The following PALS2 variants were observed in gnomAD, a reference collection of about 807,000 sequenced individuals.
The protein encoded by PALS2 is protein associated with LIN7 2, MAGUK p55 family member, also known as protein PALS2.
A neutral mutation model predicts 61.6 loss-of-function variants in PALS2; 27 were observed. That is an observed-to-expected ratio of 0.44 (90% confidence interval 0.32 to 0.60). The LOEUF is 0.60. Ranked by LOEUF, PALS2 falls within the 20% of genes least tolerant of loss-of-function variation. The probability of loss-of-function intolerance (pLI) is 0.05; values close to 1 mark genes in which losing one functional copy is unlikely to be tolerated. For missense variants in PALS2, 554 were observed against 639.4 expected (o/e 0.87, Z 1.44); for synonymous variants, 236 against 218.6 (o/e 1.08, Z -0.70).
At position 24,641,797 on chromosome 7, in the gene PALS2, A is replaced by T; in HGVS notation, c.199A>T (p.Ile67Phe). 1 of 1,613,068 alleles carries T rather than the reference A, an allele frequency of 6.2e-7. No individual in the cohort carries two copies. Among genetic ancestry groups the T allele is most frequent in the Non-Finnish European group, 8.5e-7 (1 of 1,179,404 alleles). The change falls in exon 3 of 12, where the codon ATC becomes TTC. Residue 67 changes from isoleucine (I) to phenylalanine (F), a missense_variant. Transcript: ENST00000222644. The part of the protein sequence containing the change: ...LELVNEILED[I>F]TPLINVDENV... ...ATTAGTCAATGAAATTCTTGAAGAC[A>T]TCACTCCTCTAATAAATGTGGATGA... is the stretch of plus-strand genomic sequence containing the variant.
At chr7:24,620,488 T>C (rs1784454167) in intron 1 of PALS2, among the ~76,000 whole-genome samples, 1 of 152,156 alleles carries the variant, frequency 6.6e-6, no homozygotes, top group Admixed American at 6.5e-5. Context: ...AAATTCCATA[T>C]GATTAAGAGT....
At chr7:24,620,006 C>T (rs1213674570) in intron 1 of PALS2, 3 of 151,806 alleles carry the variant, frequency 2.0e-5, no homozygotes, top group Non-Finnish European at 2.9e-5. Flanking sequence ...TTGTGTTTAT[C>T]GATATCTGAA....
At chr7:24,673,164 T>G (rs1312464851) in intron 9 of PALS2, among the ~76,000 whole-genome samples, 2 of 152,214 alleles carry the variant, frequency 1.3e-5, no homozygotes, top group Non-Finnish European at 2.9e-5. Flanking sequence ...CATATGATTT[T>G]TGTTTTTTAT....
intron 9 of PALS2, among the ~76,000 whole-genome samples, chr7:24,678,874 C>G (rs1787765316): frequency 1.3e-5 from 2 of 152,126 alleles, no homozygotes; most frequent in South Asian, 4.1e-4. Flanking sequence ...AAGTTTTAGG[C>G]TTCGCAGTCC....
At chr7:24,686,494 A>T (rs1238109310) in intron 11 of PALS2, among the ~76,000 whole-genome samples, 5 of 151,604 alleles carry the variant, frequency 3.3e-5, no homozygotes, top group African/African-American at 9.7e-5. Flanking sequence ...CTGAATGCTG[A>T]CCTCCTTATT....
At chr7:24,616,218 A>G (rs1382489553) in intron 1 of PALS2, among the ~76,000 whole-genome samples, 2 of 152,184 alleles carry the variant, frequency 1.3e-5, no homozygotes, top group Admixed American at 1.3e-4. Context: ...AGGAGAAAGA[A>G]ATAAAAGCCA....
intron 2 of PALS2, among the ~76,000 whole-genome samples, chr7:24,640,139 A>G (rs1409266969): frequency 2.0e-5 from 3 of 151,218 alleles, no homozygotes; most frequent in Non-Finnish European, 4.4e-5. Flanking sequence ...AATCTCATAA[A>G]ACTTCTTCCT....
At chr7:24,652,916 T>C (rs1786232730) in intron 5 of PALS2, among the ~76,000 whole-genome samples, 1 of 152,220 alleles carries the variant, frequency 6.6e-6, no homozygotes, top group Admixed American at 6.5e-5. Context: ...CATAAGTATC[T>C]ATGTTTTAAA....
intron 1 of PALS2, among the ~76,000 whole-genome samples, chr7:24,602,011 T>C (rs1783736960): frequency 2.0e-5 from 3 of 152,152 alleles, no homozygotes; most frequent in Admixed American, 1.3e-4. Flanking sequence ...TTTTCTCCCC[T>C]CCATTTTGTC....
intron 1 of PALS2, among the ~76,000 whole-genome samples, chr7:24,617,104 T>G (rs1644265957): frequency 6.6e-6 from 1 of 152,166 alleles, no homozygotes; most frequent in East Asian, 1.9e-4. Flanking sequence ...TTTGTCTGCC[T>G]TAGTTATTTC....
intron 2 of PALS2, among the ~76,000 whole-genome samples, chr7:24,633,704 C>T (rs1785110553): frequency 6.6e-6 from 1 of 151,948 alleles, no homozygotes. Flanking sequence ...ATATTGCTGC[C>T]ATAAACATTC....
At position 24,573,530 on chromosome 7, in the gene PALS2, C is replaced by G; in HGVS notation, c.-66C>G. On this transcript the variant is annotated 5_prime_UTR_variant, in exon 1 of 12. Coordinates refer to ENST00000222644, the MANE Select transcript of PALS2 (RefSeq NM_001303037.2). This position sits in a 1 kb window ranked among gnomAD's most constrained non-coding sequence, Gnocchi z 5.3. ...GGCGCCTGTGGCTGAGGGAGAGCAG[C>G]GGCGGCGGGGAGCGACCGGGAGCGG... 2.6e-6 allele frequency: 1 copy of G among 383,484 alleles called. No individual in the cohort carries two copies. The highest frequency in any genetic ancestry group is 4.6e-6 in the Non-Finnish European group (1 of 217,844). The allele number at this position is 383,484 out of a possible 1,614,324, so 23.8% of individuals were successfully genotyped here. A position where few individuals can be genotyped will look rare whatever the true frequency, so the allele number is the denominator to read the frequency against.
At chr7:24,604,877 A>G (rs1431981412) in intron 1 of PALS2, among the ~76,000 whole-genome samples, 4 of 152,202 alleles carry the variant, frequency 2.6e-5, no homozygotes, top group Non-Finnish European at 5.9e-5. Context: ...GCACTGATCA[A>G]GCTTCGGTTA....
chr7:24,678,756 G>C (rs545088349), intron 9 of PALS2, among the ~76,000 whole-genome samples: 28 of 152,256 alleles, frequency 1.8e-4, no homozygotes, highest in African/African-American at 6.3e-4. Flanking sequence ...GAGTTTCAAA[G>C]TGATTTTAAG....
chr7:24,591,375 A>AGT (rs1271113157), intron 1 of PALS2, among the ~76,000 whole-genome samples: 1 of 152,162 alleles, frequency 6.6e-6, no homozygotes, highest in Non-Finnish European at 1.5e-5. Flanking sequence ...GATAGGGGGC[A>AGT]GTGTGTAGCT....
At chr7:24,662,403 TTAATG>T (rs1786770235) in intron 5 of PALS2, among the ~76,000 whole-genome samples, 1 of 152,210 alleles carries the variant, frequency 6.6e-6, no homozygotes, top group Non-Finnish European at 1.5e-5. Context: ...TACATGCTGA[TTAATG>T]CTAAGGCAAT....
intron 5 of PALS2, among the ~76,000 whole-genome samples, chr7:24,658,316 T>G (rs754908523): frequency 1.3e-5 from 2 of 152,224 alleles, no homozygotes; most frequent in Non-Finnish European, 2.9e-5. Context: ...TAATCCTTCC[T>G]ATAGTTTCTT....
At chr7:24,593,598 A>T (rs975771548) in intron 1 of PALS2, among the ~76,000 whole-genome samples, 1 of 152,196 alleles carries the variant, frequency 6.6e-6, no homozygotes, top group African/African-American at 2.4e-5. Context: ...ATGTTGTATT[A>T]GCAGGCATGA....
Position 24,690,579 on chromosome 7 carries a change from A to G in PALS2, c.*2965A>G, listed in dbSNP as rs950778867. On this transcript the variant is annotated 3_prime_UTR_variant, in exon 12 of 12. Coordinates refer to ENST00000222644, the MANE Select transcript of PALS2 (RefSeq NM_001303037.2). Reference sequence around the variant, plus strand: ...TATATATTTTTTCATTTTCAAATGTACAAATACCCATAGAGGTGATGTGCC... The same window carrying G: ...TATATATTTTTTCATTTTCAAATGTGCAAATACCCATAGAGGTGATGTGCC... 1 of 152,200 alleles carries G rather than the reference A, an allele frequency of 6.6e-6. No individual in the cohort carries two copies. The highest frequency in any genetic ancestry group is 6.5e-5 in the Admixed American group (1 of 15,274). The allele number at this position is 152,200 out of a possible 1,614,324, so 9.4% of individuals were successfully genotyped here.
Sources: allele counts gnomAD v4.1 joint callset (sites outside exome capture counted in the v4.1 genomes callset), GRCh38; gene constraint gnomAD v4.1.1; non-coding constraint Gnocchi (gnomAD v3.1); transcripts MANE v1.5; gene names NCBI Gene and HGNC (gene_info 2026-07-23, HGNC 2026-07-21).